Variants in ATE1 observed in about 807,000 individuals in gnomAD.
ATE1 encodes the protein arginyl-tRNA--protein transferase 1.
Under a neutral mutation model 70.5 loss-of-function variants are expected in ATE1, and 36 were observed. That is an observed-to-expected ratio of 0.51 (90% CI 0.39 to 0.67). The LOEUF (loss-of-function observed/expected upper bound fraction) is 0.67. Ranked by LOEUF, ATE1 falls within the 30% of genes least tolerant of loss-of-function variation. The probability of loss-of-function intolerance (pLI) is 0.00; values close to 1 mark genes in which losing one functional copy is unlikely to be tolerated. For synonymous variants in ATE1, 232 were observed against 219.3 expected, an observed-to-expected ratio of 1.06 and a Z score of -0.51; for missense variants, 593 against 629.5, an observed-to-expected ratio of 0.94 and a Z score of 0.62.
intron 10 of ATE1, among the ~76,000 whole-genome samples, chr10:121,812,081 ATG>A (rs1334450562): frequency 1.4e-5 from 2 of 147,052 alleles, no homozygotes; most frequent in East Asian, 4.1e-4. Flanking sequence ...TTAGCCTCCC[ATG>A]TAGCTGGGAC....
At chr10:121,818,114 A>C (rs1361953895) in intron 10 of ATE1, among the ~76,000 whole-genome samples, 1 of 151,998 alleles carries the variant, frequency 6.6e-6, no homozygotes, top group East Asian at 1.9e-4. Context: ...AAATACAAAA[A>C]TTAGCCGGGA....
At chr10:121,779,508 C>T (rs1945889859) in intron 11 of ATE1, among the ~76,000 whole-genome samples, 1 of 152,260 alleles carries the variant, frequency 6.6e-6, no homozygotes, top group African/African-American at 2.4e-5. Flanking sequence ...AGCATTTCCT[C>T]ATCCTCTCCT....
chr10:121,812,353 C>G (rs763299693), intron 10 of ATE1, among the ~76,000 whole-genome samples: 2 of 151,936 alleles, frequency 1.3e-5, no homozygotes, highest in Non-Finnish European at 2.9e-5. Context: ...TTCCTGTTTA[C>G]CCAAAACAGA....
intron 7 of ATE1, among the ~76,000 whole-genome samples, chr10:121,883,463 G>C (rs1216886560): frequency 6.6e-6 from 1 of 152,166 alleles, no homozygotes; most frequent in Non-Finnish European, 1.5e-5. Context: ...GCAAGAAAGA[G>C]AAAGGATAAA....
At chr10:121,848,667 T>G (rs1246429694) in intron 8 of ATE1, among the ~76,000 whole-genome samples, 1 of 150,334 alleles carries the variant, frequency 6.7e-6, no homozygotes, top group Non-Finnish European at 1.5e-5. Context: ...TCCCAGCACT[T>G]TGGGAGTCCA....
chr10:121,803,663 G>A (rs938913413), intron 10 of ATE1, among the ~76,000 whole-genome samples: 4 of 152,056 alleles, frequency 2.6e-5, no homozygotes, highest in Admixed American at 6.5e-5. Flanking sequence ...ACAAATACAC[G>A]GCTTTAATAA....
At chr10:121,894,853 A>G (rs1227215819) in intron 7 of ATE1, among the ~76,000 whole-genome samples, 1 of 152,130 alleles carries the variant, frequency 6.6e-6, no homozygotes, top group African/African-American at 2.4e-5. Context: ...GTGAGCCGAG[A>G]TCGCACCGCT....
intron 8 of ATE1, among the ~76,000 whole-genome samples, chr10:121,858,696 T>A (rs1209893568): frequency 2.7e-5 from 3 of 110,106 alleles, no homozygotes; most frequent in Admixed American, 1.7e-4. Context: ...TATATTATAT[T>A]TTTTTAATAT....
chr10:121,865,345 T>G (rs1949626649), intron 8 of ATE1, among the ~76,000 whole-genome samples: 2 of 152,202 alleles, frequency 1.3e-5, no homozygotes, highest in Non-Finnish European at 2.9e-5. Context: ...CTAGGTGACC[T>G]ACATTCACAC....
intron 11 of ATE1, among the ~76,000 whole-genome samples, chr10:121,761,714 T>G (rs1223148470): frequency 6.6e-6 from 1 of 152,142 alleles, no homozygotes; most frequent in Non-Finnish European, 1.5e-5. Flanking sequence ...CCCAAACTCC[T>G]TTTTTTACAT....
intron 10 of ATE1, among the ~76,000 whole-genome samples, chr10:121,806,476 C>T (rs538733523): frequency 1.3e-5 from 2 of 152,130 alleles, no homozygotes; most frequent in African/African-American, 4.8e-5. Context: ...AAACCCATAA[C>T]AAATGAAATA....
At chr10:121,910,094 A>C (rs1485789835) in intron 5 of ATE1, among the ~76,000 whole-genome samples, 2 of 152,210 alleles carry the variant, frequency 1.3e-5, no homozygotes, top group Non-Finnish European at 2.9e-5. Context: ...TTAGGATGAA[A>C]TCTCAGACCA....
At chr10:121,790,435 A>G in intron 10 of ATE1, 146 bp from the exon 11 acceptor site, 8 of 1,055,254 alleles carry the variant, frequency 7.6e-6, no homozygotes, top group Non-Finnish European at 1.0e-5. Context: ...GCAACCCTGT[A>G]GCTGATAGTT....
intron 8 of ATE1, among the ~76,000 whole-genome samples, chr10:121,847,405 G>T (rs1271320610): frequency 6.6e-6 from 1 of 151,464 alleles, no homozygotes; most frequent in African/African-American, 2.4e-5. Flanking sequence ...CTGAGATCGC[G>T]CCACTGCACT....
At chr10:121,878,035 A>T (rs1950110250) in intron 7 of ATE1, among the ~76,000 whole-genome samples, 1 of 152,248 alleles carries the variant, frequency 6.6e-6, no homozygotes, top group African/African-American at 2.4e-5. Context: ...CACACAATGG[A>T]ATACTACATA....
chr10:121,917,291 T>C (rs1332332595), intron 3 of ATE1, among the ~76,000 whole-genome samples: 1 of 152,196 alleles, frequency 6.6e-6, no homozygotes, highest in East Asian at 1.9e-4. Context: ...TAGCACTTGA[T>C]GCGTTTAAAT....
rs1414900521 is a variant in ATE1 at position 121,741,059 on chromosome 10, GGA to G, written c.*2619_*2620del. On this transcript the variant is annotated 3_prime_UTR_variant, in exon 12 of 12. Transcript: ENST00000224652. The stretch of plus-strand genomic sequence containing the variant: ...TGTGATGTATTTGAAAATCAGAAAG[GGA>G]CACAACACTAAGATTGCAAATGCAA... The G allele has an allele frequency of 6.6e-6, 1 of 152,096 alleles. No individual in the cohort carries two copies. Among genetic ancestry groups the G allele is most frequent in the African/African-American group, 2.4e-5 (1 of 41,418 alleles). 9.4% of individuals were successfully genotyped at this position (152,096 alleles called of 1,614,324 possible). A position where few individuals can be genotyped will look rare whatever the true frequency, so the allele number is the denominator to read the frequency against.
intron 10 of ATE1, among the ~76,000 whole-genome samples, chr10:121,829,869 A>G (rs1948169529): frequency 1.3e-5 from 2 of 152,212 alleles, no homozygotes; most frequent in South Asian, 4.1e-4. Flanking sequence ...ACATACTTTC[A>G]TGCTAAGAAA....
At chr10:121,821,908 C>T (rs912230659) in intron 10 of ATE1, among the ~76,000 whole-genome samples, 1 of 152,162 alleles carries the variant, frequency 6.6e-6, no homozygotes, top group African/African-American at 2.4e-5. Context: ...ACACACCCAT[C>T]AGGAAGTGAA....
Sources: allele counts gnomAD v4.1 joint callset (sites outside exome capture counted in the v4.1 genomes callset), GRCh38; gene constraint gnomAD v4.1.1; transcripts MANE v1.5; gene names NCBI Gene and HGNC (gene_info 2026-07-23, HGNC 2026-07-21).